The following DNAH7 variants were observed in gnomAD, a reference collection of about 807,000 sequenced individuals.
DNAH7 encodes the protein axonemal beta dynein heavy chain 7.
Under a neutral mutation model 444.6 loss-of-function variants are expected in DNAH7, and 397 were observed. That is an observed-to-expected ratio of 0.89 (90% CI 0.82 to 0.97). DNAH7 has a LOEUF of 0.97. Ranked by LOEUF, DNAH7 falls within the 50% of genes least tolerant of loss-of-function variation. The pLI is 0.00. For synonymous variants in DNAH7, 1,636 were observed against 1,624.4 expected (o/e 1.01, Z -0.17); for missense variants, 4,902 against 4,800.8 (o/e 1.02, Z -0.62).
At chr2:195,861,977 A>G (rs1168135970) in intron 41 of DNAH7, 31 bp from the exon 42 acceptor site, 2 of 1,537,176 alleles carry the variant, frequency 1.3e-6, no homozygotes, top group South Asian at 1.1e-5. Flanking sequence ...TTAGCATTTT[A>G]TTAAGATTAC....
At chr2:195,903,962 G>A (rs1048069198) in intron 27 of DNAH7, 5 of 152,112 alleles carry the variant, frequency 3.3e-5, no homozygotes, top group African/African-American at 1.2e-4. Context: ...AATACCCAGG[G>A]TTTATTGGGA....
intron 7 of DNAH7, among the ~76,000 whole-genome samples, chr2:196,026,380 T>C (rs1695689250): frequency 6.6e-6 from 1 of 152,190 alleles, no homozygotes; most frequent in Admixed American, 6.6e-5. Flanking sequence ...TAAATATGTA[T>C]GTCTTGTCTC....
intron 36 of DNAH7, among the ~76,000 whole-genome samples, chr2:195,880,819 GA>G (rs1188757126): frequency 6.6e-6 from 1 of 152,158 alleles, no homozygotes; most frequent in Non-Finnish European, 1.5e-5. Context: ...CTAAGTTTGT[GA>G]AAAGTAATGT....
At chr2:195,780,442 C>T (rs1173402446) in intron 58 of DNAH7, among the ~76,000 whole-genome samples, 1 of 151,984 alleles carries the variant, frequency 6.6e-6, no homozygotes, top group Non-Finnish European at 1.5e-5. Context: ...TTTAATATAG[C>T]AATATTTAAA....
chr2:195,886,668 T>C (rs972999025), intron 33 of DNAH7, among the ~76,000 whole-genome samples: 1 of 152,192 alleles, frequency 6.6e-6, no homozygotes, highest in Non-Finnish European at 1.5e-5. Context: ...GCAATACTCA[T>C]GGTAAACTCA....
At chr2:195,847,558 G>A (rs752037696) in intron 46 of DNAH7, among the ~76,000 whole-genome samples, 1 of 150,482 alleles carries the variant, frequency 6.6e-6, no homozygotes, top group African/African-American at 2.5e-5. Context: ...TTATTACCTG[G>A]GTGATGACAT....
At position 196,012,277 on chromosome 2, in the gene DNAH7, G is replaced by T. The variant is rs183310504; in HGVS notation, c.989+510C>A. ...CCCAGATTATGAATTATCATATGTG[G>T]CTATTCCATTCCGAAAAGCCAATCC... On this transcript the variant is annotated intron_variant, in intron 10 of 64. Coordinates refer to ENST00000312428, the MANE Select transcript of DNAH7 (RefSeq NM_018897.3). Among the ~76,000 whole-genome samples the T allele has an allele frequency of 3.5e-4, 53 of 152,158 alleles. No homozygotes were observed. The East Asian group carries it at 9.8e-3, about 28-fold the overall frequency.
At chr2:195,742,459 A>G (rs991217232) in intron 63 of DNAH7, among the ~76,000 whole-genome samples, 4 of 152,222 alleles carry the variant, frequency 2.6e-5, no homozygotes, top group African/African-American at 9.6e-5. Context: ...AAAAGAGTTC[A>G]TTTCAACACC....
rs552359739 is a variant in DNAH7 at position 196,001,549 on chromosome 2, A to C, written c.1173+126T>G. 6 of 878,786 alleles carry C rather than the reference A, an allele frequency of 6.8e-6. No individual in the cohort carries two copies. In the South Asian group the frequency reaches 2.4e-4, roughly 35 times the overall value. 54.4% of individuals were successfully genotyped at this position (878,786 alleles called of 1,614,324 possible). A position where few individuals can be genotyped will look rare whatever the true frequency, so the allele number is the denominator to read the frequency against. ...CTGGCTGACAATTTTTTCTTTTAAG[A>C]TAAGTGTAATAGGTCTAAAGATGTA... On this transcript the variant is annotated intron_variant, in intron 11 of 64. Transcript: ENST00000312428.
chr2:196,005,304 AAAAATAT>A (rs1694303740), intron 10 of DNAH7, among the ~76,000 whole-genome samples: 3 of 145,900 alleles, frequency 2.1e-5, no homozygotes, highest in Non-Finnish European at 3.0e-5. Context: ...ACAAACAAAC[AAAAATAT>A]ATATATATAT....
intron 24 of DNAH7, among the ~76,000 whole-genome samples, chr2:195,921,836 G>A (rs571923418): frequency 5.3e-5 from 8 of 152,070 alleles, no homozygotes; most frequent in South Asian, 4.2e-4. Context: ...GAAAGTTTCA[G>A]GAAGAAAGGA....
chr2:196,019,823 C>T (rs1575036397), intron 8 of DNAH7, among the ~76,000 whole-genome samples: 4 of 152,154 alleles, frequency 2.6e-5, no homozygotes, highest in African/African-American at 9.7e-5. Context: ...TTTGAAGACA[C>T]ATTTACAGTT....
intron 19 of DNAH7, among the ~76,000 whole-genome samples, chr2:195,949,536 A>G (rs1690070782): frequency 6.6e-6 from 1 of 151,836 alleles, no homozygotes; most frequent in South Asian, 2.1e-4. Flanking sequence ...CACCTGCTTC[A>G]GCCTCCCAAA....
At chr2:195,804,854 G>A (rs905343086) in intron 54 of DNAH7, among the ~76,000 whole-genome samples, 3 of 149,648 alleles carry the variant, frequency 2.0e-5, no homozygotes, top group Non-Finnish European at 4.5e-5. Context: ...ATCTATCCAA[G>A]TAAAATGGGG....
chr2:196,068,760 C>G lies in DNAH7; in HGVS notation c.-49G>C, dbSNP rs1305895084. The G allele has an allele frequency of 6.5e-7, 1 of 1,548,444 alleles. No individual in the cohort carries two copies. Among genetic ancestry groups the G allele is most frequent in the Admixed American group, 2.0e-5 (1 of 50,826 alleles). ...ACCGGTGCTTCTGGGTTGCTCCTGC[C>G]CGCGGAACCCCTAGGACGATAGAGG... On this transcript the variant is annotated 5_prime_UTR_variant, in exon 1 of 65. Coordinates refer to ENST00000312428, the MANE Select transcript of DNAH7 (RefSeq NM_018897.3).
intron 12 of DNAH7, among the ~76,000 whole-genome samples, chr2:195,990,655 T>C (rs998494415): frequency 6.6e-6 from 1 of 150,746 alleles, no homozygotes; most frequent in Admixed American, 6.7e-5. Context: ...TAAGACCCTG[T>C]CTCGAAAAAA....
At chr2:195,872,497 G>A in intron 39 of DNAH7, 28 bp from the exon 40 acceptor site, 18 of 1,459,254 alleles carry the variant, frequency 1.2e-5, no homozygotes, top group South Asian at 8.0e-5. Context: ...TAAAAAGAAA[G>A]GAAAATGTTA....
At chr2:195,989,674 G>A (rs1693167343) in intron 12 of DNAH7, among the ~76,000 whole-genome samples, 2 of 152,180 alleles carry the variant, frequency 1.3e-5, no homozygotes, top group Admixed American at 6.5e-5. Flanking sequence ...CTGGTGGGAG[G>A]TGTCTGGGTC....
chr2:195,931,886 G>A (rs1353619490), intron 21 of DNAH7, among the ~76,000 whole-genome samples: 6 of 152,158 alleles, frequency 3.9e-5, no homozygotes, highest in Non-Finnish European at 5.9e-5. Flanking sequence ...TTTTGGCTTA[G>A]GATTGACTTG....
Sources: allele counts gnomAD v4.1 joint callset (sites outside exome capture counted in the v4.1 genomes callset), GRCh38; gene constraint gnomAD v4.1.1; transcripts MANE v1.5; gene names NCBI Gene and HGNC (gene_info 2026-07-23, HGNC 2026-07-21).